Variants in CTNND2 observed in about 807,000 individuals in gnomAD.
The protein encoded by CTNND2 is catenin delta 2.
CTNND2 carries 22 observed loss-of-function variants against 144.4 expected under a neutral mutation model. The ratio of observed to expected loss-of-function variants is 0.15; its 90% CI spans 0.11 to 0.22. The LOEUF (loss-of-function observed/expected upper bound fraction) is 0.22, where lower values mean the gene tolerates loss of function less well. Ranked by LOEUF, CTNND2 falls within the 10% of genes least tolerant of loss-of-function variation. The probability of loss-of-function intolerance (pLI) is 1.00; values close to 1 mark genes in which losing one functional copy is unlikely to be tolerated. For synonymous variants in CTNND2, 751 were observed against 695.6 expected (o/e 1.08, Z -1.25); for missense variants, 1,353 against 1,618.8 (o/e 0.84, Z 2.82).
At chr5:11,031,718 A>G (rs1743497061) in intron 16 of CTNND2, among the ~76,000 whole-genome samples, 1 of 152,186 alleles carries the variant, frequency 6.6e-6, no homozygotes, top group Non-Finnish European at 1.5e-5. Flanking sequence ...TGGCTAGAAC[A>G]AAAGCAGGTG....
At chr5:11,200,524 C>A (rs1737314428) in intron 10 of CTNND2, among the ~76,000 whole-genome samples, 1 of 152,194 alleles carries the variant, frequency 6.6e-6, no homozygotes, top group South Asian at 2.1e-4. Context: ...GAATACCCTT[C>A]TTTTACACTT....
intron 10 of CTNND2, among the ~76,000 whole-genome samples, chr5:11,207,723 T>C (rs1390748674): frequency 6.6e-6 from 1 of 152,212 alleles, no homozygotes; most frequent in Non-Finnish European, 1.5e-5. Flanking sequence ...TTGTAAGTCC[T>C]TGCTTCACAG....
intron 1 of CTNND2, among the ~76,000 whole-genome samples, chr5:11,846,702 G>C (rs2126994676): frequency 6.6e-6 from 1 of 151,996 alleles, no homozygotes; most frequent in East Asian, 1.9e-4. Context: ...ATCTGACAAG[G>C]GGCTGATAGC....
chr5:11,723,983 AG>A (rs1438342891), intron 2 of CTNND2, among the ~76,000 whole-genome samples: 10 of 151,812 alleles, frequency 6.6e-5, no homozygotes, highest in African/African-American at 2.2e-4. Flanking sequence ...TGAACCCGGG[AG>A]GCGGACCTTG....
intron 2 of CTNND2, among the ~76,000 whole-genome samples, chr5:11,657,753 C>G (rs1782991580): frequency 6.6e-6 from 1 of 152,012 alleles, no homozygotes; most frequent in African/African-American, 2.4e-5. Flanking sequence ...TTTGATAAAC[C>G]TATTGTGCAT....
At chr5:11,542,473 T>C (rs1314240588) in intron 3 of CTNND2, among the ~76,000 whole-genome samples, 1 of 152,160 alleles carries the variant, frequency 6.6e-6, no homozygotes, top group Non-Finnish European at 1.5e-5. Context: ...CAGCCAGTAA[T>C]GCAAAATGTT....
intron 9 of CTNND2, among the ~76,000 whole-genome samples, chr5:11,323,329 C>T (rs1656568199): frequency 6.6e-6 from 1 of 151,842 alleles, no homozygotes; most frequent in Admixed American, 6.6e-5. Context: ...AGAATACAGG[C>T]ATGAAACACT....
chr5:11,110,657 G>T (rs1752874285), intron 14 of CTNND2, among the ~76,000 whole-genome samples: 1 of 152,050 alleles, frequency 6.6e-6, no homozygotes, highest in Admixed American at 6.6e-5. Flanking sequence ...TTCCTATCCT[G>T]GCTCAACTGC....
At chr5:11,222,428 G>C (rs759584227) in intron 10 of CTNND2, among the ~76,000 whole-genome samples, 2 of 152,108 alleles carry the variant, frequency 1.3e-5, no homozygotes, top group Non-Finnish European at 2.9e-5. Flanking sequence ...CTCGCTGCAG[G>C]GTAGCTACAT....
chr5:11,621,475 C>T (rs925232883), intron 2 of CTNND2, among the ~76,000 whole-genome samples: 2 of 151,982 alleles, frequency 1.3e-5, no homozygotes, highest in African/African-American at 4.8e-5. Flanking sequence ...TGTTAGATCA[C>T]AGATTTAACT....
At position 11,800,803 on chromosome 5, in the gene CTNND2, T is replaced by C. The variant is rs575405087; in HGVS notation, c.38-68531A>G. On this transcript the variant is annotated intron_variant, in intron 1 of 21. Coordinates refer to ENST00000304623, the MANE Select transcript of CTNND2 (RefSeq NM_001332.4). The stretch of plus-strand genomic sequence containing the variant: ...CCTTCTCACTTAGAATTGAGTATTA[T>C]ATTTGAAATCCAAAGATAAAGTAAT... Among the ~76,000 whole-genome samples the C allele has an allele frequency of 3.8e-4, 58 of 152,336 alleles. 1 individual carries two copies. In the South Asian group the frequency reaches 7.0e-3, roughly 18 times the overall value.
chr5:11,099,261 A>G (rs1179272931), intron 14 of CTNND2, among the ~76,000 whole-genome samples: 1 of 152,228 alleles, frequency 6.6e-6, no homozygotes, highest in Non-Finnish European at 1.5e-5. Context: ...CATCTAACAA[A>G]TGACAGAATC....
intron 2 of CTNND2, among the ~76,000 whole-genome samples, chr5:11,687,594 T>G (rs764714518): frequency 6.6e-6 from 1 of 152,188 alleles, no homozygotes; most frequent in Non-Finnish European, 1.5e-5. Flanking sequence ...GATCATCAAG[T>G]GTATGAAATC....
intron 12 of CTNND2, among the ~76,000 whole-genome samples, chr5:11,137,035 C>T (rs1182777222): frequency 6.6e-6 from 1 of 152,238 alleles, no homozygotes; most frequent in Non-Finnish European, 1.5e-5. Context: ...GGGCCTGTGC[C>T]TTTCTTGTCA....
At chr5:11,779,495 T>C (rs1581871032) in intron 1 of CTNND2, among the ~76,000 whole-genome samples, 1 of 152,144 alleles carries the variant, frequency 6.6e-6, no homozygotes, top group South Asian at 2.1e-4. Flanking sequence ...AGAGAGAGGG[T>C]GCCCAGCAAG....
chr5:11,386,942 G>A (rs1256532448), intron 6 of CTNND2, among the ~76,000 whole-genome samples: 2 of 152,146 alleles, frequency 1.3e-5, no homozygotes, highest in African/African-American at 2.4e-5. Flanking sequence ...CATTGAGGGG[G>A]TGGCTTTGAT....
chr5:11,129,226 AT>A (rs1415125935), intron 12 of CTNND2, among the ~76,000 whole-genome samples: 4 of 39,948 alleles, frequency 1.0e-4, no homozygotes, highest in Non-Finnish European at 1.9e-4. Flanking sequence ...TTATATATAA[AT>A]ATATATTATA....
At chr5:11,133,571 C>T (rs562656223) in intron 12 of CTNND2, among the ~76,000 whole-genome samples, 87 of 152,182 alleles carry the variant, frequency 5.7e-4, no homozygotes, top group African/African-American at 1.9e-3. Flanking sequence ...AGGCTGGTTC[C>T]GAATTCCTGG....
intron 3 of CTNND2, among the ~76,000 whole-genome samples, chr5:11,450,856 C>T: frequency 6.9e-6 from 1 of 144,814 alleles, no homozygotes; most frequent in South Asian, 2.2e-4. Flanking sequence ...CGAGATTGCG[C>T]CATTGCACTC....
Sources: allele counts gnomAD v4.1 joint callset (sites outside exome capture counted in the v4.1 genomes callset), GRCh38; gene constraint gnomAD v4.1.1; transcripts MANE v1.5; gene names NCBI Gene and HGNC (gene_info 2026-07-23, HGNC 2026-07-21).